The following PDE4D variants were observed in gnomAD, a reference collection of about 807,000 sequenced individuals.
PDE4D encodes the protein 3',5'-cyclic-AMP phosphodiesterase 4D.
A neutral mutation model predicts 87.4 loss-of-function variants in PDE4D; 24 were observed. The ratio of observed to expected loss-of-function variants is 0.27; its 90% CI spans 0.20 to 0.39. The LOEUF (loss-of-function observed/expected upper bound fraction) is 0.39. PDE4D is among the 10% of genes least tolerant of loss of function. The probability of loss-of-function intolerance (pLI) is 1.00; values close to 1 mark genes in which losing one functional copy is unlikely to be tolerated. For synonymous variants in PDE4D, 384 were observed against 383.2 expected (o/e 1.00, Z -0.02); for missense variants, 714 against 1,041.0 (o/e 0.69, Z 4.32).
At chr5:59,727,467 T>C (rs1038087576) in intron 1 of PDE4D, among the ~76,000 whole-genome samples, 1 of 152,044 alleles carries the variant, frequency 6.6e-6, no homozygotes, top group African/African-American at 2.4e-5. Flanking sequence ...AAGAAAAAAA[T>C]ATTGTAATGA....
At chr5:60,260,431 C>A (rs1749530375) in intron 1 of PDE4D, among the ~76,000 whole-genome samples, 1 of 151,950 alleles carries the variant, frequency 6.6e-6, no homozygotes, top group Admixed American at 6.6e-5. Context: ...ACTGACAGAA[C>A]CAGCATATTT....
chr5:60,048,955 G>A (rs1175999006), intron 2 of PDE4D, among the ~76,000 whole-genome samples: 1 of 152,190 alleles, frequency 6.6e-6, no homozygotes. Context: ...ATATCCTGCA[G>A]AGTGTTTTCC....
intron 1 of PDE4D, among the ~76,000 whole-genome samples, chr5:60,469,613 G>T (rs1442991518): frequency 6.6e-6 from 1 of 152,132 alleles, no homozygotes; most frequent in African/African-American, 2.4e-5. Context: ...AACAATGTGT[G>T]CTCATTTCAT....
chr5:60,063,076 G>GAAGAAAGA (rs371293986), intron 2 of PDE4D, among the ~76,000 whole-genome samples: 22 of 115,894 alleles, frequency 1.9e-4, no homozygotes, highest in African/African-American at 7.0e-4. Flanking sequence ...AAAACTTAAA[G>GAAGAAAGA]AAGAAAGAAA....
At chr5:59,600,866 C>T (rs1827406612) in intron 1 of PDE4D, among the ~76,000 whole-genome samples, 1 of 152,176 alleles carries the variant, frequency 6.6e-6, no homozygotes, top group South Asian at 2.1e-4. Flanking sequence ...GTGGACCCAT[C>T]ATTTCTCAGT....
Position 60,432,218 on chromosome 5 carries a change from C to T in PDE4D, c.-90+55724G>A, listed in dbSNP as rs566749347. Reference sequence around the variant, plus strand: ...CAAGGATATTGGTCTGAAGTTTTTACGTTGTTGTTATGTCTTTGCTTTGTC... The same window carrying T: ...CAAGGATATTGGTCTGAAGTTTTTATGTTGTTGTTATGTCTTTGCTTTGTC... On this transcript the variant is annotated intron_variant, in intron 1 of 16. Coordinates refer to the PDE4D transcript ENST00000502484. Among the ~76,000 whole-genome samples the T allele has an allele frequency of 1.2e-3, 188 of 152,192 alleles. 1 individual carries two copies. Among genetic ancestry groups the T allele is most frequent in the African/African-American group, 4.0e-3 (164 of 41,518 alleles).
chr5:59,447,669 T>TTGTTTTTTACAA (rs960762171), intron 1 of PDE4D, among the ~76,000 whole-genome samples: 5 of 152,232 alleles, frequency 3.3e-5, no homozygotes, highest in African/African-American at 4.8e-5. Flanking sequence ...TAAAAAACTT[T>TTGTTTTTTACAA]AAGTACTTTT....
intron 1 of PDE4D, among the ~76,000 whole-genome samples, chr5:59,514,842 G>A (rs16889920): frequency 0.24 from 36,247 of 151,804 alleles, 5,746 homozygotes; most frequent in African/African-American, 0.46. Flanking sequence ...AGAATAAGAG[G>A]GTATACACCT....
At chr5:59,504,870 T>C (rs1181127784) in intron 1 of PDE4D, among the ~76,000 whole-genome samples, 1 of 151,614 alleles carries the variant, frequency 6.6e-6, no homozygotes, top group Non-Finnish European at 1.5e-5. Flanking sequence ...TTATAAGTAA[T>C]ACATACTTTC....
At chr5:59,556,124 TA>T (rs969897209) in intron 1 of PDE4D, among the ~76,000 whole-genome samples, 1 of 152,182 alleles carries the variant, frequency 6.6e-6, no homozygotes, top group African/African-American at 2.4e-5. Context: ...TAATATAGTG[TA>T]AAAAAGCTAT....
intron 1 of PDE4D, among the ~76,000 whole-genome samples, chr5:59,778,497 G>A (rs1045040160): frequency 6.6e-6 from 1 of 152,110 alleles, no homozygotes; most frequent in Non-Finnish European, 1.5e-5. Context: ...TATTATAAAG[G>A]CATATATTCT....
chr5:60,296,099 C>T (rs1330926750), intron 1 of PDE4D, among the ~76,000 whole-genome samples: 1 of 152,122 alleles, frequency 6.6e-6, no homozygotes, highest in African/African-American at 2.4e-5. Flanking sequence ...ACCTAAACAC[C>T]CCCTAGAGGC....
chr5:60,220,933 AC>A (rs1006586171), intron 1 of PDE4D, among the ~76,000 whole-genome samples: 1 of 152,140 alleles, frequency 6.6e-6, no homozygotes, highest in African/African-American at 2.4e-5. Context: ...TTGATCTAGA[AC>A]GTTTTGGAAA....
chr5:59,468,617 A>T (rs1801947647), intron 1 of PDE4D, among the ~76,000 whole-genome samples: 1 of 152,232 alleles, frequency 6.6e-6, no homozygotes, highest in Non-Finnish European at 1.5e-5. Flanking sequence ...GAAACTTAAG[A>T]CAGCAAAAGG....
chr5:60,113,503 G>A (rs1218844075), intron 2 of PDE4D, among the ~76,000 whole-genome samples: 3 of 152,058 alleles, frequency 2.0e-5, no homozygotes, highest in Non-Finnish European at 2.9e-5. Context: ...GTCACGTGGA[G>A]GCCTCGGAGC....
intron 3 of PDE4D, among the ~76,000 whole-genome samples, chr5:59,924,395 A>G (rs1037752989): frequency 2.0e-5 from 3 of 152,302 alleles, no homozygotes; most frequent in African/African-American, 7.2e-5. Context: ...TAGAACACCA[A>G]GCAGATTTAA....
intron 1 of PDE4D, among the ~76,000 whole-genome samples, chr5:59,473,083 G>GA (rs10573988): frequency 0.024 from 2,194 of 92,016 alleles, 35 homozygotes; most frequent in Admixed American, 0.066. Context: ...GCTTTCTCAT[G>GA]AAAAAAAAAA....
At chr5:59,396,997 T>C (rs1789548794) in intron 1 of PDE4D, among the ~76,000 whole-genome samples, 1 of 123,448 alleles carries the variant, frequency 8.1e-6, no homozygotes, top group South Asian at 2.7e-4. Context: ...GGCCATTACA[T>C]AATGGTAAAG....
intron 1 of PDE4D, among the ~76,000 whole-genome samples, chr5:59,650,007 A>G (rs1450713649): frequency 6.8e-6 from 1 of 146,700 alleles, no homozygotes; most frequent in East Asian, 2.0e-4. Flanking sequence ...AGAAAAGACC[A>G]TCAGTTCTTA....
Sources: allele counts gnomAD v4.1 joint callset (sites outside exome capture counted in the v4.1 genomes callset), GRCh38; gene constraint gnomAD v4.1.1; transcripts MANE v1.5; gene names NCBI Gene and HGNC (gene_info 2026-07-23, HGNC 2026-07-21).